The following HAS2 variants were observed in gnomAD, a reference collection of about 807,000 sequenced individuals.
HAS2 encodes the protein HA synthase 2.
HAS2 carries 16 observed loss-of-function variants against 51.6 expected under a neutral mutation model. The observed-to-expected ratio is 0.31, with a 90% CI of 0.21 to 0.47. The LOEUF (loss-of-function observed/expected upper bound fraction) is 0.47, where lower values mean the gene tolerates loss of function less well. HAS2 is among the 20% of genes least tolerant of loss of function. The pLI is 1.00. For synonymous variants in HAS2, 228 were observed against 235.5 expected (o/e 0.97, Z 0.29); for missense variants, 361 against 662.6 (o/e 0.54, Z 5.00).
intron 2 of HAS2, among the ~76,000 whole-genome samples, chr8:121,624,024 C>T (rs1484051920): frequency 6.6e-6 from 1 of 152,188 alleles, no homozygotes. Context: ...TGGGTTCCTC[C>T]GAACCTCTGG....
At chr8:121,629,402 T>A in intron 1 of HAS2, 62 bp from the exon 2 acceptor site, 1 of 1,286,594 alleles carries the variant, frequency 7.8e-7, no homozygotes, top group Non-Finnish European at 1.1e-6. Flanking sequence ...GTTATATACC[T>A]AGTATCATGG....
At chr8:121,624,148 G>A (rs186022774) in intron 2 of HAS2, among the ~76,000 whole-genome samples, 176 of 152,204 alleles carry the variant, frequency 1.2e-3, no homozygotes, top group Non-Finnish European at 1.7e-3. Flanking sequence ...CCAACAGCAC[G>A]ATATCTCATG....
chr8:121,624,319 G>T (rs1228361304), intron 2 of HAS2, among the ~76,000 whole-genome samples: 1 of 152,150 alleles, frequency 6.6e-6, no homozygotes, highest in Non-Finnish European at 1.5e-5. Flanking sequence ...GAGGATAATT[G>T]TTTACAGTAT....
Position 121,614,747 on chromosome 8 carries a change from G to GT in HAS2, c.1020dup (p.Pro341ThrfsTer62). The GT allele has an allele frequency of 6.2e-7, 1 of 1,614,174 alleles. No individual in the cohort carries two copies. The highest frequency in any genetic ancestry group is 8.5e-7 in the Non-Finnish European group (1 of 1,180,020). On this transcript the variant is annotated frameshift_variant, in exon 4 of 4. Transcript: ENST00000303924. LOFTEE classifies it high-confidence loss of function. The surrounding 1 kb of genome is among the most constrained non-coding windows in gnomAD (Gnocchi z 7.2). Reference sequence around the variant, plus strand: ...TTTAGCCATCTGAGATATTCTATAGGTGTTTCAGTAAGGCACTTAGATCGA... The same window carrying GT: ...TTTAGCCATCTGAGATATTCTATAGGTTGTTTCAGTAAGGCACTTAGATCGA...
chr8:121,633,136 C>CTTTT (rs71816016), intron 1 of HAS2, among the ~76,000 whole-genome samples: 55 of 128,016 alleles, frequency 4.3e-4, no homozygotes, highest in Middle Eastern at 4.8e-3. Flanking sequence ...GTTTCCCTAC[C>CTTTT]TTTTTTTTTT....
At chr8:121,632,761 C>CATT (rs78876611) in intron 1 of HAS2, among the ~76,000 whole-genome samples, 1 of 149,866 alleles carries the variant, frequency 6.7e-6, no homozygotes, top group African/African-American at 2.5e-5. Flanking sequence ...TCATCATCAT[C>CATT]ATTATTATAA....
intron 3 of HAS2, among the ~76,000 whole-genome samples, chr8:121,616,450 T>TG (rs2130432501): frequency 6.6e-6 from 1 of 151,940 alleles, no homozygotes; most frequent in East Asian, 1.9e-4. Context: ...TTCTTTTTTT[T>TG]TTTTGAGACT....
At chr8:121,635,020 T>C (rs769105716) in intron 1 of HAS2, among the ~76,000 whole-genome samples, 1 of 152,198 alleles carries the variant, frequency 6.6e-6, no homozygotes, top group Non-Finnish European at 1.5e-5. Context: ...TGCTGCTTTA[T>C]ATTTTGGCTC....
intron 2 of HAS2, among the ~76,000 whole-genome samples, chr8:121,624,343 A>C (rs527667731): frequency 4.4e-4 from 67 of 152,386 alleles, no homozygotes; most frequent in African/African-American, 1.6e-3. Context: ...AGCTGAAACA[A>C]GAAGCCAAAG....
At position 121,613,933 on chromosome 8, in the gene HAS2, G is replaced by A. The variant is rs1184559093; in HGVS notation, c.*176C>T. The A allele has an allele frequency of 3.6e-6, 3 of 844,426 alleles. No homozygotes were observed. The highest frequency in any genetic ancestry group is 1.7e-5 in the African/African-American group (1 of 58,442). 52.3% of individuals were successfully genotyped at this position (844,426 alleles called of 1,614,324 possible). ...ACAGGTTAAATCTGAGTTTCTTCTT[G>A]TTGATGTATTGTTTTACTTTGGCAG... On this transcript the variant is annotated 3_prime_UTR_variant, in exon 4 of 4. Transcript: ENST00000303924.
At chr8:121,626,411 C>A (rs2130442950) in intron 2 of HAS2, among the ~76,000 whole-genome samples, 1 of 152,250 alleles carries the variant, frequency 6.6e-6, no homozygotes, top group South Asian at 2.1e-4. Context: ...GGAAACCAAT[C>A]CTTTTGGCCA....
chr8:121,612,523 C>T lies in HAS2; in HGVS notation c.*1586G>A, dbSNP rs921926227. The stretch of plus-strand genomic sequence containing the variant: ...ACTTCTCCATGTGTCTCTGCCTCAC[C>T]ATAATGCTGTTTATTCAATTATTCA... On this transcript the variant is annotated 3_prime_UTR_variant, in exon 4 of 4. Coordinates refer to ENST00000303924, the MANE Select transcript of HAS2 (RefSeq NM_005328.3). 2 of 152,098 alleles carry T rather than the reference C, an allele frequency of 1.3e-5. No individual in the cohort carries two copies. Among genetic ancestry groups the T allele is most frequent in the Non-Finnish European group, 1.5e-5 (1 of 68,006 alleles). 9.4% of individuals were successfully genotyped at this position (152,098 alleles called of 1,614,324 possible).
In HAS2 at chr8:121,613,283, T is replaced by C. The variant is rs1050474657; in HGVS notation, c.*826A>G. 2.0e-5 allele frequency: 3 copies of C among 152,430 alleles called. No homozygotes were observed. The highest frequency in any genetic ancestry group is 7.2e-5 in the African/African-American group (3 of 41,434). 9.4% of individuals were successfully genotyped at this position (152,430 alleles called of 1,614,324 possible). ...TTTAGGTACACACGAAAGTGTGTAT[T>C]TTTACTTCCAAAGTGTGATAGGTAT... On this transcript the variant is annotated 3_prime_UTR_variant, in exon 4 of 4. Coordinates refer to ENST00000303924, the MANE Select transcript of HAS2 (RefSeq NM_005328.3).
At chr8:121,622,011 A>AG (rs1477397394) in intron 2 of HAS2, among the ~76,000 whole-genome samples, 6 of 152,064 alleles carry the variant, frequency 3.9e-5, no homozygotes, top group Non-Finnish European at 8.8e-5. Context: ...CCTGCTTGTA[A>AG]GGCTTAACCC....
At position 121,641,158 on chromosome 8, in the gene HAS2, C is replaced by CTTTTTTTTTTTTTTTTTTTTTTTT. The variant is rs71573616; in HGVS notation, c.-307_-306insAAAAAAAAAAAAAAAAAAAAAAAA. 2.7e-3 allele frequency: 152 copies of CTTTTTTTTTTTTTTTTTTTTTTTT among 57,012 alleles called. 1 individual carries two copies. The highest frequency in any genetic ancestry group is 3.6e-3 in the Non-Finnish European group (112 of 30,846). 3.5% of individuals were successfully genotyped at this position (57,012 alleles called of 1,614,324 possible). Reference sequence around the variant, plus strand: ...TAACTTTTCTTTTTTCTTTTCTTTTCTTTTTTTTTTTTTTTTTTTTTTGGG... The same window carrying CTTTTTTTTTTTTTTTTTTTTTTTT: ...TAACTTTTCTTTTTTCTTTTCTTTTCTTTTTTTTTTTTTTTTTTTTTTTTTTTTTTTTTTTTTTTTTTTTTTGGG... On this transcript the variant is annotated 5_prime_UTR_variant, in exon 1 of 4. Coordinates refer to ENST00000303924, the MANE Select transcript of HAS2 (RefSeq NM_005328.3).
intron 1 of HAS2, among the ~76,000 whole-genome samples, chr8:121,639,118 C>T (rs1004332503): frequency 5.9e-5 from 9 of 152,150 alleles, no homozygotes; most frequent in African/African-American, 2.2e-4. Flanking sequence ...AAGTTGTCTC[C>T]CTCTTAACAA....
At chr8:121,629,367 G>C (rs1812898532) in intron 1 of HAS2, 27 bp from the exon 2 acceptor site, 1 of 1,568,482 alleles carries the variant, frequency 6.4e-7, no homozygotes, top group South Asian at 1.2e-5. Flanking sequence ...TGATACTCTT[G>C]GTTAACCATG....
intron 3 of HAS2, among the ~76,000 whole-genome samples, chr8:121,616,713 G>A (rs1365070435): frequency 6.6e-6 from 1 of 152,092 alleles, no homozygotes; most frequent in East Asian, 1.9e-4. Flanking sequence ...TGGGATTACA[G>A]GCATAAACCA....
rs1209985524 is a variant in HAS2 at position 121,641,153 on chromosome 8, C to CTTTT, written c.-305_-302dup. On this transcript the variant is annotated 5_prime_UTR_variant, in exon 1 of 4. Transcript: ENST00000303924. ...TAAATTAACTTTTCTTTTTTCTTTT[C>CTTTT]TTTTCTTTTTTTTTTTTTTTTTTTT... 6 of 44,584 alleles carry CTTTT rather than the reference C, an allele frequency of 1.3e-4. No individual in the cohort carries two copies. The highest frequency in any genetic ancestry group is 2.2e-4 in the African/African-American group (2 of 9,216). 2.8% of individuals were successfully genotyped at this position (44,584 alleles called of 1,614,324 possible).
Sources: allele counts gnomAD v4.1 joint callset (sites outside exome capture counted in the v4.1 genomes callset), GRCh38; gene constraint gnomAD v4.1.1; non-coding constraint Gnocchi (gnomAD v3.1); transcripts MANE v1.5; gene names NCBI Gene and HGNC (gene_info 2026-07-23, HGNC 2026-07-21).